The following SLC16A9 variants were observed in gnomAD, a reference collection of about 807,000 sequenced individuals.
SLC16A9 encodes the protein solute carrier family 16 member 9.
Under a neutral mutation model 44.3 loss-of-function variants are expected in SLC16A9, and 26 were observed. That is an observed-to-expected ratio of 0.59 (90% CI 0.43 to 0.81). The LOEUF (loss-of-function observed/expected upper bound fraction) is 0.81. SLC16A9 is among the 40% of genes least tolerant of loss of function. SLC16A9 has a pLI of 0.00. For synonymous variants in SLC16A9, 230 were observed against 225.1 expected, an observed-to-expected ratio of 1.02 and a Z score of -0.19; for missense variants, 559 against 595.8, an observed-to-expected ratio of 0.94 and a Z score of 0.64.
intron 1 of SLC16A9, among the ~76,000 whole-genome samples, chr10:59,690,599 G>A (rs1042910108): frequency 6.6e-6 from 1 of 152,274 alleles, no homozygotes; most frequent in East Asian, 1.9e-4. Flanking sequence ...GGCCCGATAG[G>A]TTTGGTGGAG....
At chr10:59,664,045 A>AG (rs111831925) in intron 4 of SLC16A9, among the ~76,000 whole-genome samples, 182 bp downstream of exon 4, 3 of 150,936 alleles carry the variant, frequency 2.0e-5, no homozygotes, top group Non-Finnish European at 3.0e-5. Context: ...AAAAAAAAAA[A>AG]AAAGAAAGCT....
intron 4 of SLC16A9, among the ~76,000 whole-genome samples, chr10:59,657,598 A>G (rs1839377853): frequency 1.3e-5 from 2 of 152,170 alleles, no homozygotes; most frequent in South Asian, 4.1e-4. Flanking sequence ...GCTATGGACC[A>G]GGCCCCTATG....
intron 3 of SLC16A9, among the ~76,000 whole-genome samples, chr10:59,670,757 T>C (rs1003271816): frequency 1.3e-5 from 2 of 152,196 alleles, no homozygotes; most frequent in African/African-American, 4.8e-5. Context: ...TTTTTTCAAT[T>C]TGATACTCTA....
chr10:59,692,878 A>G (rs892486754), intron 1 of SLC16A9, among the ~76,000 whole-genome samples: 5 of 152,232 alleles, frequency 3.3e-5, no homozygotes, highest in African/African-American at 7.2e-5. Context: ...ATGAAATGTA[A>G]GCAAAAATGT....
Position 59,676,012 on chromosome 10 carries a change from C to G in SLC16A9, c.197-3099G>C, listed in dbSNP as rs143101209. ...CTCTGCTTTAAACCCACTTCTGCCC[C>G]CTGGCGGAATTCTTTCCTCCAAGGA... On this transcript the variant is annotated intron_variant, in intron 2 of 5. Coordinates refer to ENST00000395348, the MANE Select transcript of SLC16A9 (RefSeq NM_194298.3). 4.6e-5 allele frequency among the ~76,000 whole-genome samples: 7 copies of G among 152,320 alleles called. No individual in the cohort carries two copies. In the East Asian group the frequency reaches 1.2e-3, roughly 25 times the overall value.
At chr10:59,657,343 A>T (rs1839372307) in intron 4 of SLC16A9, among the ~76,000 whole-genome samples, 1 of 152,068 alleles carries the variant, frequency 6.6e-6, no homozygotes, top group South Asian at 2.1e-4. Context: ...CTTCCCCCAA[A>T]CCTTCATTTC....
At chr10:59,685,254 C>A (rs1225038451) in intron 1 of SLC16A9, among the ~76,000 whole-genome samples, 1 of 152,186 alleles carries the variant, frequency 6.6e-6, no homozygotes, top group African/African-American at 2.4e-5. Context: ...AGGATGTATA[C>A]ATATGGCTGT....
intron 1 of SLC16A9, among the ~76,000 whole-genome samples, chr10:59,692,393 G>A (rs1189628492): frequency 6.6e-6 from 1 of 152,232 alleles, no homozygotes; most frequent in African/African-American, 2.4e-5. Context: ...TTGGAAAAAA[G>A]TTTGAGGGGT....
At position 59,652,887 on chromosome 10, in the gene SLC16A9, A is replaced by G. The variant is rs1588956480; in HGVS notation, c.1415T>C (p.Leu472Pro). 6.2e-7 allele frequency: 1 copy of G among 1,614,046 alleles called. No homozygotes were observed. The highest frequency in any genetic ancestry group is 2.2e-5 in the East Asian group (1 of 44,854). The change falls in exon 6 of 6, where the codon CTG becomes CCG. Residue 472 changes from leucine (L) to proline (P), a missense_variant. Transcript: ENST00000395348. The stretch of plus-strand genomic sequence containing the variant: ...CAGCAGCAGAATAAAACCTCCCAGC[A>G]GGACGCAGAAGCCACTAAAATAAAA... ...IAFYFSGFCVLLGGFILLLAA... is the reference protein window; with the variant it reads ...IAFYFSGFCVPLGGFILLLAA...
rs1213298869 is a variant in SLC16A9 at position 59,651,264 on chromosome 10, A to G, written c.*1508T>C. 2 of 152,230 alleles carry G rather than the reference A, an allele frequency of 1.3e-5. No homozygotes were observed. The highest frequency in any genetic ancestry group is 2.4e-5 in the African/African-American group (1 of 41,462). The allele number at this position is 152,230 out of a possible 1,614,324, so 9.4% of individuals were successfully genotyped here. On this transcript the variant is annotated 3_prime_UTR_variant, in exon 6 of 6. Coordinates refer to ENST00000395348, the MANE Select transcript of SLC16A9 (RefSeq NM_194298.3). ...CGCCTTCGAAGAAAGGCAACATACAAGTATAAAATAATCATACAAATTTCA... is the reference window on the plus strand; with the variant it reads ...CGCCTTCGAAGAAAGGCAACATACAGGTATAAAATAATCATACAAATTTCA...
At chr10:59,702,063 T>C (rs1034635454) in intron 1 of SLC16A9, among the ~76,000 whole-genome samples, 2 of 152,350 alleles carry the variant, frequency 1.3e-5, no homozygotes, top group African/African-American at 4.8e-5. Flanking sequence ...TCAACAAATC[T>C]GTATGGAATG....
chr10:59,670,995 T>C (rs1056253445), intron 3 of SLC16A9, among the ~76,000 whole-genome samples: 1 of 152,208 alleles, frequency 6.6e-6, no homozygotes, highest in Non-Finnish European at 1.5e-5. Context: ...AACTCAACTC[T>C]TTATTTTATT....
intron 3 of SLC16A9, among the ~76,000 whole-genome samples, chr10:59,666,285 C>G (rs1459292683): frequency 7.0e-6 from 1 of 142,324 alleles, no homozygotes; most frequent in Non-Finnish European, 1.5e-5. Context: ...GGCAACAGAG[C>G]GAGACTCTGT....
At chr10:59,665,095 G>A (rs1839579172) in intron 3 of SLC16A9, among the ~76,000 whole-genome samples, 1 of 151,956 alleles carries the variant, frequency 6.6e-6, no homozygotes, top group South Asian at 2.1e-4. Flanking sequence ...GAATCCTAAG[G>A]GTAATATTTA....
chr10:59,708,016 A>C (rs1449161802), intron 1 of SLC16A9, among the ~76,000 whole-genome samples: 1 of 152,160 alleles, frequency 6.6e-6, no homozygotes, highest in African/African-American at 2.4e-5. Flanking sequence ...ACTTGCCTAC[A>C]CAAAAAATGG....
rs1300397759 is a variant in SLC16A9 at position 59,709,498 on chromosome 10, G to T, written c.-56C>A. 1 of 152,352 alleles carries T rather than the reference G, an allele frequency of 6.6e-6. No homozygotes were observed. The highest frequency in any genetic ancestry group is 1.9e-4 in the East Asian group (1 of 5,142). 9.4% of individuals were successfully genotyped at this position (152,352 alleles called of 1,614,324 possible). A position where few individuals can be genotyped will look rare whatever the true frequency, so the allele number is the denominator to read the frequency against. On this transcript the variant is annotated 5_prime_UTR_variant, in exon 1 of 6. Coordinates refer to ENST00000395348, the MANE Select transcript of SLC16A9 (RefSeq NM_194298.3). ...CTTTACCTGAGTCCCGGCCTCGGCG[G>T]GGCCTCCGGTGCTCAGCACCCGGCT...
intron 3 of SLC16A9, 112 bp from the exon 4 acceptor site, chr10:59,664,434 C>T: frequency 1.6e-6 from 1 of 611,278 alleles, no homozygotes; most frequent in South Asian, 2.2e-5. Context: ...CTGGCTAAAA[C>T]TGTTACAAGT....
At chr10:59,699,929 CACACACAT>C (rs1037274489) in intron 1 of SLC16A9, among the ~76,000 whole-genome samples, 9 of 151,272 alleles carry the variant, frequency 5.9e-5, no homozygotes, top group African/African-American at 2.0e-4. Context: ...CACACACACA[CACACACAT>C]ACACACATTA....
chr10:59,654,506 C>T lies in SLC16A9; in HGVS notation c.520G>A (p.Val174Met), dbSNP rs1479839620. 6.2e-7 allele frequency: 1 copy of T among 1,610,806 alleles called. No homozygotes were observed. The highest frequency in any genetic ancestry group is 8.5e-7 in the Non-Finnish European group (1 of 1,180,008). The change falls in exon 5 of 6, where the codon GTG becomes ATG. Residue 174 changes from valine to methionine, a missense_variant. Val to Met is a conservative substitution (Grantham distance 21). Transcript: ENST00000395348. Reference sequence around the variant, plus strand: ...AATATATTTAAAGCTAAAGCACCCACAATCAGCAAGCATCCATCCAGTCCA... The same window carrying T: ...AATATATTTAAAGCTAAAGCACCCATAATCAGCAAGCATCCATCCAGTCCA... ...FYGLDGCLLI[V>M]GALALNILAC...
Sources: allele counts gnomAD v4.1 joint callset (sites outside exome capture counted in the v4.1 genomes callset), GRCh38; gene constraint gnomAD v4.1.1; transcripts MANE v1.5; gene names NCBI Gene and HGNC (gene_info 2026-07-23, HGNC 2026-07-21).